The following ACSL4 variants were observed in gnomAD, a reference collection of about 807,000 sequenced individuals.
ACSL4 encodes acyl-CoA synthetase long chain family member 4.
Under a neutral mutation model 49.1 loss-of-function variants are expected in ACSL4, and 9 were observed. The observed-to-expected ratio is 0.18, with a 90% confidence interval of 0.11 to 0.32. The LOEUF (loss-of-function observed/expected upper bound fraction) is 0.32, where lower values mean the gene tolerates loss of function less well. ACSL4 is among the 10% of genes least tolerant of loss of function. The pLI, the probability that ACSL4 is intolerant of heterozygous loss-of-function variation, is 1.00. For synonymous variants in ACSL4, 191 were observed against 170.3 expected (o/e 1.12, Z -0.95); for missense variants, 333 against 493.7 (o/e 0.67, Z 3.08).
At chrX:109,721,626 G>A (rs1249192134) in intron 1 of ACSL4, among the ~76,000 whole-genome samples, 1 of 110,192 alleles carries the variant, frequency 9.1e-6, no homozygotes, top group African/African-American at 3.3e-5. Flanking sequence ...CAGCTACTCG[G>A]GAGGCTGAGG....
In ACSL4 at chrX:109,678,406, G is replaced by C. The variant is rs774718254; in HGVS notation, c.665C>G (p.Pro222Arg). The C allele has an allele frequency of 4.1e-6, 5 of 1,209,990 alleles. No homozygotes were observed. The highest frequency in any genetic ancestry group is 2.3e-4 in the Middle Eastern group (1 of 4,369). Residue 222 changes from proline to arginine, a missense_variant, in exon 7 of 16, where the codon CCT (proline) becomes CGT (arginine). Physicochemically the swap from Pro to Arg is moderately radical, Grantham distance 103. This residue lies in a region of ACSL4 where 157 missense variants were observed against 201.1 expected (regional missense o/e 0.78). Coordinates refer to ENST00000672401, the MANE Select transcript of ACSL4 (RefSeq NM_001318510.2). ...LGSNPENLGI[P>R]PSRPTPSDMA... Reference sequence around the variant, plus strand: ...GTCTGAAGGCGTTGGTCTACTTGGAGGAATGCCCACTAAATGAATGAATGA... The same window carrying C: ...GTCTGAAGGCGTTGGTCTACTTGGACGAATGCCCACTAAATGAATGAATGA...
chrX:109,687,076 T>C (rs1924672958), intron 2 of ACSL4, among the ~76,000 whole-genome samples: 2 of 111,949 alleles, frequency 1.8e-5, no homozygotes, highest in African/African-American at 3.3e-5. Flanking sequence ...GCCCTCATCT[T>C]ACAGAGAAGC....
chrX:109,652,170 A>C (rs1921199352), intron 15 of ACSL4, among the ~76,000 whole-genome samples: 1 of 112,099 alleles, frequency 8.9e-6, no homozygotes, highest in African/African-American at 3.2e-5. Context: ...AAATATGAAG[A>C]GGCCTGCTAT....
chrX:109,665,021 T>C (rs1488072442), intron 12 of ACSL4, among the ~76,000 whole-genome samples: 1 of 111,590 alleles, frequency 9.0e-6, no homozygotes, highest in Non-Finnish European at 1.9e-5. Flanking sequence ...GAAAATCTTT[T>C]CTGGGATCAA....
intron 15 of ACSL4, among the ~76,000 whole-genome samples, chrX:109,651,534 A>G (rs1921140430): frequency 1.8e-5 from 2 of 112,022 alleles, no homozygotes; most frequent in Admixed American, 1.9e-4. Flanking sequence ...GTAAAGGAAC[A>G]TAAAACTTGC....
rs1307978086 is a variant in ACSL4 at position 109,678,311 on chromosome X, A to G, written c.760T>C (p.Leu254=). ...PKGVMMHHSN[L]IAGMTGQCER... is the part of the protein sequence containing the mutation. ...CACTGGCCTGTCATTCCAGCTATCA[A>G]ATTGCTATGATGCATCATCACTCCC... The change falls in exon 7 of 16, where the codon TTG becomes CTG. Residue 254 remains leucine, a synonymous_variant. Transcript: ENST00000672401. 1 of 1,211,700 alleles carries G rather than the reference A, an allele frequency of 8.3e-7. No individual in the cohort carries two copies. The highest frequency in any genetic ancestry group is 2.2e-5 in the Admixed American group (1 of 46,044).
intron 1 of ACSL4, among the ~76,000 whole-genome samples, chrX:109,722,915 G>A (rs1569444014): frequency 9.0e-6 from 1 of 111,589 alleles, no homozygotes; most frequent in East Asian, 2.8e-4. Flanking sequence ...ATATATGTGT[G>A]CACATGTGCA....
At chrX:109,661,080 T>C (rs1322413429) in intron 14 of ACSL4, among the ~76,000 whole-genome samples, 2 of 111,769 alleles carry the variant, frequency 1.8e-5, no homozygotes, top group Non-Finnish European at 3.8e-5. Context: ...TCTTACGTTA[T>C]ATGCTTTTTA....
chrX:109,693,493 C>T (rs956313961), intron 2 of ACSL4, among the ~76,000 whole-genome samples: 1 of 111,782 alleles, frequency 8.9e-6, no homozygotes, highest in Non-Finnish European at 1.9e-5. Context: ...GTATGTCTGA[C>T]ATTTCAGAAA....
intron 1 of ACSL4, among the ~76,000 whole-genome samples, chrX:109,726,867 T>C (rs981737917): frequency 9.2e-6 from 1 of 108,119 alleles, no homozygotes; most frequent in African/African-American, 3.4e-5. Flanking sequence ...TTTGTTGTTG[T>C]TGTTGTTGTT....
At chrX:109,668,532 C>G (rs1333427618) in intron 10 of ACSL4, among the ~76,000 whole-genome samples, 1 of 111,346 alleles carries the variant, frequency 9.0e-6, no homozygotes, top group African/African-American at 3.3e-5. Flanking sequence ...AAACAGACAT[C>G]AGAGGTAAAA....
At chrX:109,674,553 A>G (rs1603403983) in intron 8 of ACSL4, 80 bp from the exon 9 acceptor site, 1 of 690,805 alleles carries the variant, frequency 1.4e-6, no homozygotes, top group South Asian at 2.4e-5. Flanking sequence ...TAACAAATAC[A>G]GAAGTTACAC....
chrX:109,678,147 T>C (rs781247939), intron 7 of ACSL4, 36 bp from the exon 8 acceptor site: 3 of 1,209,206 alleles, frequency 2.5e-6, no homozygotes, highest in Middle Eastern at 2.3e-4. Flanking sequence ...TAACCATTCT[T>C]GAAAAGGCAT....
chrX:109,665,026 G>A (rs1922517659), intron 12 of ACSL4, among the ~76,000 whole-genome samples: 1 of 111,344 alleles, frequency 9.0e-6, no homozygotes. Context: ...TCTTTTCTGG[G>A]ATCAAGATCT....
intron 2 of ACSL4, among the ~76,000 whole-genome samples, chrX:109,689,815 T>C (rs191846582): frequency 3.1e-3 from 353 of 112,213 alleles, no homozygotes; most frequent in Admixed American, 9.1e-3. Flanking sequence ...TTACTGTCTA[T>C]GCTCCCAGTA....
In ACSL4 at chrX:109,670,050, C is replaced by CA. The variant is rs763601018; in HGVS notation, c.1003-878dup. 2.8e-4 allele frequency among the ~76,000 whole-genome samples: 31 copies of CA among 108,874 alleles called. No individual in the cohort carries two copies. In the East Asian group the frequency reaches 6.6e-3, roughly 23 times the overall value. 94.5% of individuals were successfully genotyped at this position (108,874 alleles called of 115,157 possible). On this transcript the variant is annotated intron_variant, in intron 9 of 15. Coordinates refer to ENST00000672401, the MANE Select transcript of ACSL4 (RefSeq NM_001318510.2). ...ACTCTAAGGTTAATACAAAACAAAACAAAAAAAAATAAACAGCAAACAGCC... is the reference window on the plus strand; with the variant it reads ...ACTCTAAGGTTAATACAAAACAAAACAAAAAAAAAATAAACAGCAAACAGCC...
At chrX:109,647,777 C>T (rs1319220542) in intron 15 of ACSL4, among the ~76,000 whole-genome samples, 1 of 110,147 alleles carries the variant, frequency 9.1e-6, no homozygotes, top group Non-Finnish European at 1.9e-5. Flanking sequence ...AGACCGCTAG[C>T]AAGACTAATA....
At chrX:109,711,914 G>A (rs543506154) in intron 1 of ACSL4, among the ~76,000 whole-genome samples, 86 of 111,736 alleles carry the variant, frequency 7.7e-4, no homozygotes, top group East Asian at 5.0e-3. Context: ...TTCACAGTAG[G>A]TGCTGGATAA....
At chrX:109,697,393 C>T (rs1222569414) in intron 1 of ACSL4, among the ~76,000 whole-genome samples, 1 of 111,082 alleles carries the variant, frequency 9.0e-6, no homozygotes, top group Non-Finnish European at 1.9e-5. Context: ...GTCATATAAA[C>T]GAACATCCAC....
Sources: gnomAD v4.1 joint callset for allele counts (sites outside exome capture counted in the v4.1 genomes callset) on GRCh38, gnomAD v4.1.1 for gene constraint, gnomAD v4.1.1 regional missense constraint, MANE v1.5 for transcripts, NCBI Gene and HGNC (gene_info 2026-07-23, HGNC 2026-07-21) for gene names.